ERMAP: variants seen among roughly 807,000 people sequenced by gnomAD.
ERMAP encodes the protein erythroid membrane-associated protein.
A neutral mutation model predicts 49.5 loss-of-function variants in ERMAP; 34 were observed. That is an observed-to-expected ratio of 0.69 (90% CI 0.52 to 0.91). ERMAP has a LOEUF of 0.91. Ranked by LOEUF, ERMAP falls within the 40% of genes least tolerant of loss-of-function variation. ERMAP has a pLI of 0.00. For missense variants in ERMAP, 541 were observed against 582.6 expected (o/e 0.93, Z 0.74); for synonymous variants, 214 against 232.2 (o/e 0.92, Z 0.71).
intron 1 of ERMAP, among the ~76,000 whole-genome samples, chr1:42,822,302 G>C (rs1293422776): frequency 6.6e-6 from 1 of 151,888 alleles, no homozygotes; most frequent in Non-Finnish European, 1.5e-5. Context: ...TTGTGCCTCA[G>C]CCTCCTGAGT....
At chr1:42,835,595 TA>T (rs1654871121) in intron 5 of ERMAP, 136 bp from the exon 6 acceptor site, 2 of 1,151,616 alleles carry the variant, frequency 1.7e-6, no homozygotes. Context: ...GAAGACTCTC[TA>T]ATCCTTTCAA....
rs1655020021 is a variant in ERMAP, at chr1:42,840,304, A to G, written c.712+8A>G. ...GAGCCCGGTTGCATTTTGGTAAGTTATACCAATCAAATAGGTCCATATCTC... is the reference window on the plus strand; with the variant it reads ...GAGCCCGGTTGCATTTTGGTAAGTTGTACCAATCAAATAGGTCCATATCTC... On this transcript the variant is annotated splice_region_variant and intron_variant, in intron 11 of 11. Transcript: ENST00000372517. 2.5e-6 allele frequency: 4 copies of G among 1,614,176 alleles called. No homozygotes were observed. Among genetic ancestry groups the G allele is most frequent in the Non-Finnish European group, 3.4e-6 (4 of 1,180,020 alleles).
Position 42,817,210 on chromosome 1 carries a change from G to A in ERMAP, c.-165G>A. The A allele has an allele frequency of 8.0e-7, 1 of 1,256,608 alleles. No individual in the cohort carries two copies. The highest frequency in any genetic ancestry group is 1.0e-6 in the Non-Finnish European group (1 of 974,254). The allele number at this position is 1,256,608 out of a possible 1,614,324, so 77.8% of individuals were successfully genotyped here. The stretch of plus-strand genomic sequence containing the variant: ...TGTACCTTTCCCGACCGGGCCACTG[G>A]AAGTTGGAGCCTCCGCCGAGTCGCA... On this transcript the variant is annotated 5_prime_UTR_variant, in exon 1 of 12. Transcript: ENST00000372517.
rs1263163494 is a variant in ERMAP at position 42,831,586 on chromosome 1, T to C, written c.433+471T>C. Among the ~76,000 whole-genome samples, 1,253 of 145,208 alleles carry C rather than the reference T, an allele frequency of 8.6e-3. 24 individuals carry two copies. Among genetic ancestry groups the C allele is most frequent in the African/African-American group, 0.03 (1,183 of 39,116 alleles). The stretch of plus-strand genomic sequence containing the variant: ...TTTTTTTTTTTTCTCTTTTTTTTTT[T>C]TTTTTTTTTTGTTTTGAGATAGGGC... On this transcript the variant is annotated intron_variant, in intron 4 of 11. Transcript: ENST00000372517.
At chr1:42,818,424 TTTGTAAG>T (rs1654306907) in intron 1 of ERMAP, among the ~76,000 whole-genome samples, 1 of 152,142 alleles carries the variant, frequency 6.6e-6, no homozygotes, top group African/African-American at 2.4e-5. Flanking sequence ...GAATTTTAGG[TTTGTAAG>T]GTGAAAAAGT....
intron 2 of ERMAP, among the ~76,000 whole-genome samples, chr1:42,826,346 A>C (rs1481513504): frequency 6.6e-6 from 1 of 152,088 alleles, no homozygotes; most frequent in Non-Finnish European, 1.5e-5. Context: ...CAAACAAAAA[A>C]AAAGGGATGG....
At position 42,843,956 on chromosome 1, in the gene ERMAP, C is replaced by CA. The variant is rs1249620860; in HGVS notation, c.*725dup. 2.5e-6 allele frequency: 1 copy of CA among 397,110 alleles called. No homozygotes were observed. Among genetic ancestry groups the CA allele is most frequent in the Non-Finnish European group, 4.4e-6 (1 of 225,384 alleles). The allele number at this position is 397,110 out of a possible 1,614,324, so 24.6% of individuals were successfully genotyped here. On this transcript the variant is annotated 3_prime_UTR_variant, in exon 12 of 12. Coordinates refer to ENST00000372517, the MANE Select transcript of ERMAP (RefSeq NM_001017922.2). Reference sequence around the variant, plus strand: ...GAGCACATCAGGGAGCTGGGAAACACAGTTGCAGAGAACTCAGCTGTATGT... The same window carrying CA: ...GAGCACATCAGGGAGCTGGGAAACACAAGTTGCAGAGAACTCAGCTGTATGT...
At chr1:42,838,757 C>A in intron 7 of ERMAP, 144 bp from the exon 8 acceptor site, 2 of 1,326,758 alleles carry the variant, frequency 1.5e-6, no homozygotes, top group African/African-American at 1.4e-5. Flanking sequence ...TGGGTCTGAA[C>A]TCTGGGACAC....
intron 8 of ERMAP, 144 bp downstream of exon 8, chr1:42,839,065 C>G: frequency 8.3e-7 from 1 of 1,203,308 alleles, no homozygotes; most frequent in Non-Finnish European, 1.2e-6. Context: ...TCTTGGCTCT[C>G]AAAGGCCTCT....
intron 1 of ERMAP, among the ~76,000 whole-genome samples, chr1:42,822,363 T>C (rs1448127638): frequency 3.9e-5 from 6 of 152,104 alleles, no homozygotes; most frequent in Non-Finnish European, 7.4e-5. Context: ...TTTGTATTTT[T>C]AGTAGAGACA....
intron 11 of ERMAP, 107 bp downstream of exon 11, chr1:42,840,403 T>G (rs1184301326): frequency 7.3e-7 from 1 of 1,378,414 alleles, no homozygotes; most frequent in Non-Finnish European, 1.0e-6. Flanking sequence ...AATTTAAAAA[T>G]TTTTAAATCA....
At chr1:42,817,338 AG>A in intron 1 of ERMAP, 85 bp downstream of exon 1, 1 of 958,338 alleles carries the variant, frequency 1.0e-6, no homozygotes, top group Non-Finnish European at 1.4e-6. Flanking sequence ...CGCCGGGGGG[AG>A]GGGCGCAGGG....
chr1:42,818,812 A>T (rs1654321823), intron 1 of ERMAP, among the ~76,000 whole-genome samples: 1 of 152,206 alleles, frequency 6.6e-6, no homozygotes, highest in African/African-American at 2.4e-5. Context: ...TTTAGCAATC[A>T]GAGGAAAGTA....
In ERMAP at chr1:42,840,310, A is replaced by G; in HGVS notation, c.712+14A>G. 3.1e-6 allele frequency: 5 copies of G among 1,614,162 alleles called. No homozygotes were observed. The highest frequency in any genetic ancestry group is 4.2e-6 in the Non-Finnish European group (5 of 1,180,008). On this transcript the variant is annotated intron_variant, in intron 11 of 11. Coordinates refer to ENST00000372517, the MANE Select transcript of ERMAP (RefSeq NM_001017922.2). ...GGTTGCATTTTGGTAAGTTATACCA[A>G]TCAAATAGGTCCATATCTCAGAGCA...
chr1:42,842,671 G>T lies in ERMAP; in HGVS notation c.867G>T (p.Thr289=). 1 of 1,614,158 alleles carries T rather than the reference G, an allele frequency of 6.2e-7. No individual in the cohort carries two copies. Among genetic ancestry groups the T allele is most frequent in the South Asian group, 1.1e-5 (1 of 91,064 alleles). ...VVSILGSEYF[T]TGCHYWEVYV... The stretch of plus-strand genomic sequence containing the variant: ...GCATCCTAGGCTCTGAGTACTTCAC[G>T]ACTGGCTGCCACTACTGGGAGGTGT... The change falls in exon 12 of 12, where the codon ACG becomes ACT. Residue 289 remains threonine (T), a synonymous_variant. Transcript: ENST00000372517.
chr1:42,833,904 A>G (rs1654820367), intron 4 of ERMAP, among the ~76,000 whole-genome samples: 1 of 152,276 alleles, frequency 6.6e-6, no homozygotes, highest in East Asian at 1.9e-4. Flanking sequence ...AGCCTGGCCA[A>G]CATGGCAAAA....
chr1:42,843,360 C>A lies in ERMAP; in HGVS notation c.*128C>A. 1 of 630,054 alleles carries A rather than the reference C, an allele frequency of 1.6e-6. No individual in the cohort carries two copies. Among genetic ancestry groups the A allele is most frequent in the Non-Finnish European group, 2.6e-6 (1 of 383,408 alleles). 39.0% of individuals were successfully genotyped at this position (630,054 alleles called of 1,614,324 possible). A position where few individuals can be genotyped will look rare whatever the true frequency, so the allele number is the denominator to read the frequency against. On this transcript the variant is annotated 3_prime_UTR_variant, in exon 12 of 12. Coordinates refer to ENST00000372517, the MANE Select transcript of ERMAP (RefSeq NM_001017922.2). ...CCAAATCCAGACCCTTTTGTGGTTT[C>A]TATTTGTACCACTTTTCTCCCAGGC...
At chr1:42,833,724 CTTTTTTA>C (rs2124330428) in intron 4 of ERMAP, among the ~76,000 whole-genome samples, 1 of 151,902 alleles carries the variant, frequency 6.6e-6, no homozygotes, top group South Asian at 2.1e-4. Flanking sequence ...CTTATTTTTT[CTTTTTTA>C]TTTATAATAA....
chr1:42,817,254 G>A lies in ERMAP; in HGVS notation c.-122+1G>A, dbSNP rs921544517. ...AGTCGCAGACAACGCCTCCGGGAGG[G>A]TAATCCTCGCCTTCCCCCGACCACT... On this transcript the variant is annotated splice_donor_variant, in intron 1 of 11. Coordinates refer to ENST00000372517, the MANE Select transcript of ERMAP (RefSeq NM_001017922.2). LOFTEE classifies it low-confidence loss of function (5UTR_SPLICE). 2 of 1,251,332 alleles carry A rather than the reference G, an allele frequency of 1.6e-6. No homozygotes were observed. The highest frequency in any genetic ancestry group is 7.7e-5 in the East Asian group (1 of 13,026). 77.5% of individuals were successfully genotyped at this position (1,251,332 alleles called of 1,614,324 possible).
Sources: gnomAD v4.1 joint callset for allele counts (sites outside exome capture counted in the v4.1 genomes callset) on GRCh38, gnomAD v4.1.1 for gene constraint, MANE v1.5 for transcripts, NCBI Gene and HGNC (gene_info 2026-07-23, HGNC 2026-07-21) for gene names.